The following FOXN3 variants were observed in gnomAD, a reference collection of about 807,000 sequenced individuals.
FOXN3 encodes the protein forkhead box N3.
A neutral mutation model predicts 38.4 loss-of-function variants in FOXN3; 7 were observed. The observed-to-expected ratio is 0.18, with a 90% CI of 0.10 to 0.34. FOXN3 has a LOEUF of 0.34. Among genes scored for constraint, FOXN3 ranks in the 10% least tolerant of loss-of-function variants. FOXN3 has a pLI of 1.00. For synonymous variants in FOXN3, 230 were observed against 242.2 expected (o/e 0.95, Z 0.47); for missense variants, 456 against 613.4 (o/e 0.74, Z 2.71).
intron 4 of FOXN3, among the ~76,000 whole-genome samples, chr14:89,202,249 A>G (rs1339328613): frequency 5.9e-5 from 9 of 152,192 alleles, no homozygotes; most frequent in Non-Finnish European, 1.3e-4. Flanking sequence ...AAAAGGAACT[A>G]TGGAGCCAGT....
chr14:89,420,536 G>T (rs548018356), upstream of FOXN3, among the ~76,000 whole-genome samples: 1 of 152,212 alleles, frequency 6.6e-6, no homozygotes, highest in Non-Finnish European at 1.5e-5. Flanking sequence ...GCCTGGATAT[G>T]TGTATTTTGA....
At chr14:89,462,754 G>A (rs899129580) in intron 1 of FOXN3, among the ~76,000 whole-genome samples, 6 of 150,362 alleles carry the variant, frequency 4.0e-5, no homozygotes, top group Non-Finnish European at 8.9e-5. Flanking sequence ...GCACGATCTC[G>A]GCTCACTGCA....
chr14:89,244,201 A>G (rs1348411343), intron 4 of FOXN3, among the ~76,000 whole-genome samples: 1 of 152,232 alleles, frequency 6.6e-6, no homozygotes, highest in Non-Finnish European at 1.5e-5. Context: ...AAAAGACAAA[A>G]TATTTCCTTA....
intron 4 of FOXN3, among the ~76,000 whole-genome samples, chr14:89,203,099 G>A (rs190738977): frequency 9.3e-6 from 1 of 107,256 alleles, no homozygotes; most frequent in African/African-American, 3.6e-5. Context: ...GGGGGTGGGG[G>A]GAGGGGGAGT....
intron 1 of FOXN3, among the ~76,000 whole-genome samples, chr14:89,554,576 T>C (rs1386446916): frequency 6.6e-6 from 1 of 152,130 alleles, no homozygotes; most frequent in Non-Finnish European, 1.5e-5. Context: ...AGTATAAACT[T>C]CAAAAAATTA....
At chr14:89,231,161 T>C (rs1381841169) in intron 4 of FOXN3, among the ~76,000 whole-genome samples, 1 of 152,258 alleles carries the variant, frequency 6.6e-6, no homozygotes, top group African/African-American at 2.4e-5. Flanking sequence ...GATGTGTTTT[T>C]ATTTTCCTTA....
chr14:89,220,715 G>A (rs1042095865), intron 4 of FOXN3, among the ~76,000 whole-genome samples: 1 of 152,132 alleles, frequency 6.6e-6, no homozygotes, highest in East Asian at 1.9e-4. Flanking sequence ...GGGCTGACCT[G>A]CCAGGCAACT....
At chr14:89,479,735 AGG>A (rs1893284824) in intron 1 of FOXN3, among the ~76,000 whole-genome samples, 1 of 152,216 alleles carries the variant, frequency 6.6e-6, no homozygotes, top group Non-Finnish European at 1.5e-5. Flanking sequence ...CCAATAGGAC[AGG>A]TTATGGAAAA....
chr14:89,401,086 G>A (rs1891231894), intron 2 of FOXN3, among the ~76,000 whole-genome samples: 1 of 152,174 alleles, frequency 6.6e-6, no homozygotes, highest in Admixed American at 6.5e-5. Flanking sequence ...AACCACTGCT[G>A]AAAATGCTTC....
chr14:89,546,329 C>CTTTTTTTTTCTTTTTTT (rs1894880091), intron 1 of FOXN3, among the ~76,000 whole-genome samples: 2 of 78,310 alleles, frequency 2.6e-5, no homozygotes, highest in African/African-American at 5.4e-5. Context: ...TTTCCTTTTT[C>CTTTTTTTTTCTTTTTTT]TTTTTTTTTT....
intron 1 of FOXN3, among the ~76,000 whole-genome samples, chr14:89,582,189 C>T (rs1895753778): frequency 6.6e-6 from 1 of 152,158 alleles, no homozygotes; most frequent in South Asian, 2.1e-4. Flanking sequence ...ATCATTATGT[C>T]CATCCTTGTT....
chr14:89,436,222 G>A (rs567166092), intron 1 of FOXN3, among the ~76,000 whole-genome samples: 10 of 145,274 alleles, frequency 6.9e-5, no homozygotes, highest in Non-Finnish European at 1.3e-4. Context: ...AATCTAAACA[G>A]AGCTATTTAT....
chr14:89,290,468 C>G (rs982032641), intron 3 of FOXN3: 2 of 435,420 alleles, frequency 4.6e-6, no homozygotes, highest in African/African-American at 2.1e-5. Context: ...TGTCAAAGAC[C>G]AGACCAAACT....
In FOXN3 at chr14:89,396,879, A is replaced by ACTT. The variant is rs199958753; in HGVS notation, c.543+15052_543+15054dup. ...TAAAATGAGAAATATGCTGCAGTAGACTTTTTTTTTTTTCCTTATTTGTTA... is the reference window on the plus strand; with the variant it reads ...TAAAATGAGAAATATGCTGCAGTAGACTTCTTTTTTTTTTTTCCTTATTTGTTA... On this transcript the variant is annotated intron_variant, in intron 2 of 5. Transcript: ENST00000557258. Among the ~76,000 whole-genome samples, 123 of 128,822 alleles carry ACTT rather than the reference A, an allele frequency of 9.5e-4. 3 individuals are homozygous for ACTT. The East Asian group carries it at 0.026, about 27-fold the overall frequency. 84.5% of individuals were successfully genotyped at this position (128,822 alleles called of 152,430 possible).
At chr14:89,418,412 A>AGCC (rs1891814584), upstream of FOXN3, among the ~76,000 whole-genome samples, 1 of 71,970 alleles carries the variant, frequency 1.4e-5, no homozygotes, top group African/African-American at 6.7e-5. Context: ...CAAAAAATAG[A>AGCC]CCCCCCCCCC....
intron 2 of FOXN3, chr14:89,401,657 C>G (rs1188894956): frequency 1.1e-5 from 5 of 455,844 alleles, no homozygotes; most frequent in Non-Finnish European, 1.8e-5. Context: ...AGTCAGCGCT[C>G]ACATGACTTG....
chr14:89,472,406 C>T (rs1203135656), intron 1 of FOXN3, among the ~76,000 whole-genome samples: 1 of 151,902 alleles, frequency 6.6e-6, no homozygotes, highest in Non-Finnish European at 1.5e-5. Context: ...TGGTAATTGT[C>T]AAGTGTTTAA....
chr14:89,312,279 G>A (rs1357340765), intron 3 of FOXN3, among the ~76,000 whole-genome samples: 2 of 16,094 alleles, frequency 1.2e-4, no homozygotes, highest in Non-Finnish European at 1.3e-4. Context: ...AGCAAGACTC[G>A]GTCTCAAAAA....
chr14:89,483,785 A>T (rs1893392540), intron 1 of FOXN3, among the ~76,000 whole-genome samples: 1 of 152,188 alleles, frequency 6.6e-6, no homozygotes, highest in Admixed American at 6.5e-5. Context: ...CACATCTTTT[A>T]CTATAGTTTT....
Sources: gnomAD v4.1 joint callset for allele counts (sites outside exome capture counted in the v4.1 genomes callset) on GRCh38, gnomAD v4.1.1 for gene constraint, MANE v1.5 for transcripts, NCBI Gene and HGNC (gene_info 2026-07-23, HGNC 2026-07-21) for gene names.